The following PRKCZ variants were observed in gnomAD, a reference collection of about 807,000 sequenced individuals.
PRKCZ encodes the protein protein kinase C zeta.
In PRKCZ, 33 loss-of-function variants were observed where a neutral mutation model predicts 79.5. The ratio of observed to expected loss-of-function variants is 0.41; its 90% CI spans 0.31 to 0.55. The LOEUF (loss-of-function observed/expected upper bound fraction) is 0.55, where lower values mean the gene tolerates loss of function less well. PRKCZ is among the 20% of genes least tolerant of loss of function. The pLI is 0.19. For missense variants in PRKCZ, 578 were observed against 813.5 expected, an observed-to-expected ratio of 0.71 and a Z score of 3.52; for synonymous variants, 342 against 320.9, an observed-to-expected ratio of 1.07 and a Z score of -0.70.
At position 2,107,709 on chromosome 1, in the gene PRKCZ, GCTGTGCCTCTCCGGC is replaced by G. The variant is rs1039954056; in HGVS notation, c.335-27536_335-27522del. On this transcript the variant is annotated intron_variant, in intron 4 of 17. Coordinates refer to ENST00000378567, the MANE Select transcript of PRKCZ (RefSeq NM_002744.6). ...GACTGCCGAAATCCCCTCTACCCGG[GCTGTGCCTCTCCGGC>G]CTGTGCCTCTCCGGCCCTTCGGCAG... Among the ~76,000 whole-genome samples, 34 of 151,972 alleles carry G rather than the reference GCTGTGCCTCTCCGGC, an allele frequency of 2.2e-4. 1 individual carries two copies. The highest frequency in any genetic ancestry group is 1.5e-3 in the South Asian group (7 of 4,816).
chr1:2,092,777 G>A (rs1557539520), intron 4 of PRKCZ, among the ~76,000 whole-genome samples: 1 of 152,232 alleles, frequency 6.6e-6, no homozygotes, highest in African/African-American at 2.4e-5. Context: ...TTCACTGTGA[G>A]CAGGGAGGGC....
At chr1:2,073,128 C>T (rs781178017) in intron 4 of PRKCZ, among the ~76,000 whole-genome samples, 24 of 152,046 alleles carry the variant, frequency 1.6e-4, no homozygotes, top group African/African-American at 5.1e-4. Context: ...CAGCACAGCC[C>T]GTGAGGTCTG....
At chr1:2,118,711 C>CTGTGTG (rs1489236346) in intron 4 of PRKCZ, among the ~76,000 whole-genome samples, 2 of 66,100 alleles carry the variant, frequency 3.0e-5, no homozygotes, top group Non-Finnish European at 7.1e-5. Context: ...ACCACACCAG[C>CTGTGTG]TCTGTGTGTG....
intron 4 of PRKCZ, among the ~76,000 whole-genome samples, chr1:2,107,118 G>A (rs763634590): frequency 9.5e-4 from 145 of 152,338 alleles, no homozygotes; most frequent in African/African-American, 3.3e-3. Flanking sequence ...TGCCTCCCCC[G>A]TGTTTCCTCG....
At chr1:2,166,456 C>T (rs576386740) in intron 10 of PRKCZ, among the ~76,000 whole-genome samples, 15 of 152,266 alleles carry the variant, frequency 9.9e-5, no homozygotes, top group East Asian at 3.9e-4. Context: ...TCATGACTCC[C>T]GCCTCCCGCC....
Position 2,077,613 on chromosome 1 carries a change from C to G in PRKCZ, c.334+18022C>G, listed in dbSNP as rs575925317. ...TTTTATTTTGAGTTTTCCATATTTT[C>G]TATTGTAAGGTGTTGATAGTTCTGT... On this transcript the variant is annotated intron_variant, in intron 4 of 17. Coordinates refer to ENST00000378567, the MANE Select transcript of PRKCZ (RefSeq NM_002744.6). Among the ~76,000 whole-genome samples, 3 of 152,286 alleles carry G rather than the reference C, an allele frequency of 2.0e-5. No homozygotes were observed. The South Asian group carries it at 6.2e-4, about 32-fold the overall frequency.
At chr1:2,063,900 C>A (rs1405516087) in intron 4 of PRKCZ, among the ~76,000 whole-genome samples, 1 of 142,328 alleles carries the variant, frequency 7.0e-6, no homozygotes, top group Admixed American at 7.4e-5. Context: ...GGTTGGAGTG[C>A]AGTGGCACGA....
chr1:2,076,800 G>T (rs531114474), intron 4 of PRKCZ, among the ~76,000 whole-genome samples: 18 of 151,988 alleles, frequency 1.2e-4, no homozygotes, highest in Non-Finnish European at 2.2e-4. Context: ...CCAGTCGGTC[G>T]TCCAGTGTTC....
chr1:2,169,879 A>G (rs1684096468), intron 11 of PRKCZ, among the ~76,000 whole-genome samples: 2 of 151,934 alleles, frequency 1.3e-5, no homozygotes, highest in South Asian at 4.2e-4. Context: ...AAGTCCAGGT[A>G]GGATGGCAGA....
intron 4 of PRKCZ, among the ~76,000 whole-genome samples, chr1:2,069,011 T>TCAC (rs1416052456): frequency 6.6e-6 from 1 of 152,106 alleles, no homozygotes; most frequent in African/African-American, 2.4e-5. Context: ...TTCCCGCCAG[T>TCAC]CACCACCCTG....
intron 1 of PRKCZ, among the ~76,000 whole-genome samples, chr1:2,053,192 C>T (rs1311003284): frequency 1.3e-5 from 2 of 151,742 alleles, no homozygotes; most frequent in African/African-American, 4.8e-5. Context: ...CCTTCACCTC[C>T]GAGGTTCAAG....
intron 4 of PRKCZ, among the ~76,000 whole-genome samples, chr1:2,060,278 T>C (rs970767491): frequency 6.6e-6 from 1 of 152,162 alleles, no homozygotes; most frequent in Non-Finnish European, 1.5e-5. Flanking sequence ...CGTGGCTCAG[T>C]GCCCTTCAGG....
Position 2,149,018 on chromosome 1 carries a change from A to G in PRKCZ, c.687+94A>G, listed in dbSNP as rs1015883486. 1.7e-5 allele frequency: 23 copies of G among 1,373,252 alleles called. No homozygotes were observed. In the East Asian group the frequency reaches 2.8e-4, roughly 17 times the overall value. The allele number at this position is 1,373,252 out of a possible 1,614,324, so 85.1% of individuals were successfully genotyped here. A position where few individuals can be genotyped will look rare whatever the true frequency, so the allele number is the denominator to read the frequency against. Reference sequence around the variant, plus strand: ...GTAGTCACGGAAATCTAGATGTGAAATAGACATGGTCCGGGGTGTTGCTAA... The same window carrying G: ...GTAGTCACGGAAATCTAGATGTGAAGTAGACATGGTCCGGGGTGTTGCTAA... On this transcript the variant is annotated intron_variant, in intron 8 of 17. Transcript: ENST00000378567. The surrounding 1 kb of genome is among the most constrained non-coding windows in gnomAD (Gnocchi z 4.1).
chr1:2,147,750 A>AT (rs1678930742), intron 7 of PRKCZ, among the ~76,000 whole-genome samples: 3 of 114,356 alleles, frequency 2.6e-5, no homozygotes, highest in East Asian at 2.5e-4. Context: ...CTATCCATCC[A>AT]CTGTCCACTG....
rs1184243484 is a variant in PRKCZ at position 2,050,547 on chromosome 1, C to CG, written c.-84_-83insG. 1.9e-5 allele frequency: 17 copies of CG among 894,798 alleles called. No individual in the cohort carries two copies. In the East Asian group the frequency reaches 4.0e-4, roughly 21 times the overall value. 55.4% of individuals were successfully genotyped at this position (894,798 alleles called of 1,614,324 possible). A position where few individuals can be genotyped will look rare whatever the true frequency, so the allele number is the denominator to read the frequency against. On this transcript the variant is annotated 5_prime_UTR_variant, in exon 1 of 18. Transcript: ENST00000378567. Reference sequence around the variant, plus strand: ...CCTGAGCGCTGCCTTCCGCGTTCCGCCGCGGCCCCACCTGGAGCCCCCGCC... The same window carrying CG: ...CCTGAGCGCTGCCTTCCGCGTTCCGCGCGCGGCCCCACCTGGAGCCCCCGCC...
intron 4 of PRKCZ, among the ~76,000 whole-genome samples, chr1:2,066,078 C>G (rs896666553): frequency 6.6e-6 from 1 of 152,168 alleles, no homozygotes; most frequent in Non-Finnish European, 1.5e-5. Flanking sequence ...AGGATTTTTA[C>G]ATCCGTGTTT....
At chr1:2,183,179 C>T (rs1686964560) in intron 16 of PRKCZ, among the ~76,000 whole-genome samples, 2 of 152,128 alleles carry the variant, frequency 1.3e-5, no homozygotes, top group Non-Finnish European at 1.5e-5. Context: ...TGCAGTGAGC[C>T]GAGATCGTGC....
intron 4 of PRKCZ, among the ~76,000 whole-genome samples, chr1:2,122,138 C>G (rs546394596): frequency 2.5e-4 from 1 of 4,062 alleles, no homozygotes; most frequent in Non-Finnish European, 3.7e-4. Flanking sequence ...TGGTTAGGGT[C>G]GTGGTGGTTA....
Position 2,125,430 on chromosome 1 carries a change from C to G in PRKCZ, c.335-9832C>G, listed in dbSNP as rs1673677029. 6.6e-6 allele frequency among the ~76,000 whole-genome samples: 1 copy of G among 152,194 alleles called. No individual in the cohort carries two copies. Among genetic ancestry groups the G allele is most frequent in the Admixed American group, 6.5e-5 (1 of 15,272 alleles). On this transcript the variant is annotated intron_variant, in intron 4 of 17. Coordinates refer to ENST00000378567, the MANE Select transcript of PRKCZ (RefSeq NM_002744.6). The surrounding 1 kb of genome is among the most constrained non-coding windows in gnomAD (Gnocchi z 4.2). ...CCAAACATCTCTCAGGGGCACTTTC[C>G]TGAACGGCTGCTGACAGCAGCATTT...
Sources: allele counts gnomAD v4.1 joint callset (sites outside exome capture counted in the v4.1 genomes callset), GRCh38; gene constraint gnomAD v4.1.1; non-coding constraint Gnocchi (gnomAD v3.1); transcripts MANE v1.5; gene names NCBI Gene and HGNC (gene_info 2026-07-23, HGNC 2026-07-21).